CDH20: variants seen among roughly 807,000 people sequenced by gnomAD.
CDH20 encodes the protein cadherin 20, also known as cadherin-20.
A neutral mutation model predicts 74.2 loss-of-function variants in CDH20; 29 were observed. The ratio of observed to expected loss-of-function variants is 0.39; its 90% CI spans 0.29 to 0.53. CDH20 has a LOEUF of 0.53. Ranked by LOEUF, CDH20 falls within the 20% of genes least tolerant of loss-of-function variation. CDH20 has a pLI of 0.69. For synonymous variants in CDH20, 469 were observed against 405.4 expected, an observed-to-expected ratio of 1.16 and a Z score of -1.88; for missense variants, 988 against 1,048.3, an observed-to-expected ratio of 0.94 and a Z score of 0.79.
At chr18:61,367,671 TCTACATTTAAAGAAC>T (rs975412969) in intron 1 of CDH20, among the ~76,000 whole-genome samples, 1 of 152,144 alleles carries the variant, frequency 6.6e-6, no homozygotes, top group African/African-American at 2.4e-5. Context: ...GCCCTCCTCT[TCTACATTTAAAGAAC>T]CTGCATTAGT....
chr18:61,411,197 GAA>G lies in CDH20; in HGVS notation c.-153+77383_-153+77384del, dbSNP rs35401750. On this transcript the variant is annotated intron_variant, in intron 1 of 11. Coordinates refer to ENST00000262717, the MANE Select transcript of CDH20 (RefSeq NM_031891.4). The stretch of plus-strand genomic sequence containing the variant: ...TGGGTGACAGAGCAAGACTCTGTCT[GAA>G]AAAAAAAAAAAATGTATATGGCAAG... Among the ~76,000 whole-genome samples the G allele has an allele frequency of 9.9e-3, 1,403 of 141,794 alleles. 13 individuals carry two copies. Among genetic ancestry groups the G allele is most frequent in the Non-Finnish European group, 0.014 (938 of 65,118 alleles). 93.0% of individuals were successfully genotyped at this position (141,794 alleles called of 152,430 possible). A position where few individuals can be genotyped will look rare whatever the true frequency, so the allele number is the denominator to read the frequency against.
intron 1 of CDH20, among the ~76,000 whole-genome samples, chr18:61,408,754 C>A (rs532424409): frequency 6.6e-6 from 1 of 152,118 alleles, no homozygotes; most frequent in African/African-American, 2.4e-5. Context: ...CCATTTGGTC[C>A]TCTTAATTTA....
intron 9 of CDH20, among the ~76,000 whole-genome samples, chr18:61,540,413 G>T (rs1912986753): frequency 6.6e-6 from 1 of 152,110 alleles, no homozygotes; most frequent in South Asian, 2.1e-4. Flanking sequence ...TAAAGAAAAA[G>T]AAGGTTAATG....
rs542683618 is a variant in CDH20 at position 61,370,836 on chromosome 18, A to G, written c.-153+37009A>G. On this transcript the variant is annotated intron_variant, in intron 1 of 11. Transcript: ENST00000262717. ...GCTCTTTCAATAATAGATCAACATCAAAACTATCTTTTTTGAAAAGTATTC... is the reference window on the plus strand; with the variant it reads ...GCTCTTTCAATAATAGATCAACATCGAAACTATCTTTTTTGAAAAGTATTC... Among the ~76,000 whole-genome samples, 8 of 152,238 alleles carry G rather than the reference A, an allele frequency of 5.3e-5. No homozygotes were observed. The East Asian group carries it at 1.5e-3, about 29-fold the overall frequency.
intron 6 of CDH20, among the ~76,000 whole-genome samples, chr18:61,524,781 C>T (rs373214712): frequency 1.5e-4 from 23 of 152,238 alleles, no homozygotes; most frequent in African/African-American, 4.6e-4. Flanking sequence ...ATTAGCCAGG[C>T]GTGGTGGCAC....
chr18:61,444,674 A>G (rs1023305577), intron 1 of CDH20, among the ~76,000 whole-genome samples: 8 of 152,196 alleles, frequency 5.3e-5, no homozygotes, highest in Non-Finnish European at 1.0e-4. Flanking sequence ...TGGGTGGCTG[A>G]TGTTAGAGGA....
rs753763189 is a variant in CDH20, at chr18:61,554,676, G to A, written c.2387G>A (p.Gly796Glu). The change falls in exon 12 of 12, where the codon GGA (glycine) becomes GAA (glutamate). Residue 796 changes from glycine to glutamate, a missense_variant. This residue lies in a region of CDH20 where 375 missense variants were observed against 293.1 expected (regional missense o/e 1.28). Coordinates refer to ENST00000262717, the MANE Select transcript of CDH20 (RefSeq NM_031891.4). ...GCCGAGCTCTACGGGGCGTCGGAGG[G>A]ACCCGCGCCGCTGTGGTGACGGAAG... Reference protein sequence around the residue: ...KLAELYGASEGPAPLW With the variant: ...KLAELYGASEEPAPLW The A allele has an allele frequency of 6.3e-7, 1 of 1,575,996 alleles. No individual in the cohort carries two copies. The highest frequency in any genetic ancestry group is 1.8e-5 in the Admixed American group (1 of 56,856).
chr18:61,507,555 A>G lies in CDH20; in HGVS notation c.1012A>G (p.Lys338Glu). ...PNFQVGIITV[K>E]KPLSFESKKS... ...TTTCCAAGTTGGTATCATAACTGTG[A>G]AGAAGGTAATCCAACTCCTTTTTCT... is the stretch of plus-strand genomic sequence containing the variant. The change falls in exon 6 of 12, where the codon AAG becomes GAG. Residue 338 changes from lysine to glutamate, a missense_variant. Transcript: ENST00000262717. The G allele has an allele frequency of 6.2e-7, 1 of 1,603,728 alleles. No homozygotes were observed. The highest frequency in any genetic ancestry group is 2.2e-5 in the East Asian group (1 of 44,574).
intron 7 of CDH20, among the ~76,000 whole-genome samples, chr18:61,530,651 C>G (rs1207255457): frequency 6.6e-6 from 1 of 152,132 alleles, no homozygotes; most frequent in Non-Finnish European, 1.5e-5. Context: ...TATTTATAAT[C>G]CCCAAAACAA....
At chr18:61,370,609 T>C (rs1041068207) in intron 1 of CDH20, among the ~76,000 whole-genome samples, 3 of 152,112 alleles carry the variant, frequency 2.0e-5, no homozygotes, top group Admixed American at 6.6e-5. Flanking sequence ...CACAAAGTTA[T>C]TATTTTCATG....
chr18:61,335,899 C>A (rs1435229969), intron 1 of CDH20, among the ~76,000 whole-genome samples: 1 of 152,194 alleles, frequency 6.6e-6, no homozygotes, highest in Non-Finnish European at 1.5e-5. Context: ...TCTTGACATT[C>A]TTGTGCATAC....
At chr18:61,486,052 G>A (rs1478533648) in intron 1 of CDH20, among the ~76,000 whole-genome samples, 2 of 150,330 alleles carry the variant, frequency 1.3e-5, no homozygotes, top group African/African-American at 4.9e-5. Flanking sequence ...CAGCCTGGGC[G>A]ACAGAGCGAG....
At chr18:61,549,954 T>C (rs1177475478) in intron 10 of CDH20, 24 bp from the exon 11 acceptor site, 7 of 1,601,756 alleles carry the variant, frequency 4.4e-6, no homozygotes, top group Non-Finnish European at 6.0e-6. Context: ...CCTTTTCCAA[T>C]CCTGGAACCC....
intron 1 of CDH20, among the ~76,000 whole-genome samples, chr18:61,476,485 A>G (rs924087494): frequency 6.6e-6 from 1 of 152,144 alleles, no homozygotes; most frequent in African/African-American, 2.4e-5. Flanking sequence ...TAATAAAATG[A>G]CTGCTGTATT....
chr18:61,377,679 T>C (rs1911286512), intron 1 of CDH20, among the ~76,000 whole-genome samples: 2 of 152,134 alleles, frequency 1.3e-5, no homozygotes, highest in East Asian at 1.9e-4. Flanking sequence ...TATTTGGCTG[T>C]CACCAAATCA....
intron 1 of CDH20, among the ~76,000 whole-genome samples, chr18:61,378,066 C>T (rs981218839): frequency 1.3e-5 from 2 of 152,162 alleles, no homozygotes; most frequent in Non-Finnish European, 2.9e-5. Context: ...CAACAGGGCT[C>T]TGTTCACATC....
chr18:61,360,945 A>G (rs540212493), intron 1 of CDH20, among the ~76,000 whole-genome samples: 1 of 152,356 alleles, frequency 6.6e-6, no homozygotes, highest in South Asian at 2.1e-4. Flanking sequence ...GATGTTAGCA[A>G]TAAGCAAATG....
At chr18:61,518,997 T>G (rs1360949113) in intron 6 of CDH20, among the ~76,000 whole-genome samples, 1 of 151,036 alleles carries the variant, frequency 6.6e-6, no homozygotes, top group African/African-American at 2.5e-5. Context: ...ACAGTCAAAT[T>G]GATCAAGTGG....
At chr18:61,347,301 TATATATATATATATATATACACAC>T (rs1351367289) in intron 1 of CDH20, among the ~76,000 whole-genome samples, 5 of 79,678 alleles carry the variant, frequency 6.3e-5, no homozygotes, top group African/African-American at 2.8e-4. Context: ...TATATATATA[TATATATATATATATATATACACAC>T]ACACACACAC....
Sources: allele counts gnomAD v4.1 joint callset (sites outside exome capture counted in the v4.1 genomes callset), GRCh38; gene constraint gnomAD v4.1.1; regional missense constraint gnomAD v4.1.1; transcripts MANE v1.5; gene names NCBI Gene and HGNC (gene_info 2026-07-23, HGNC 2026-07-21).